C8orf34: variants seen among roughly 807,000 people sequenced by gnomAD.
C8orf34 encodes the protein uncharacterized protein C8orf34.
C8orf34 carries 65 observed loss-of-function variants against 68.3 expected under a neutral mutation model. That is an observed-to-expected ratio of 0.95 (90% CI 0.78 to 1.17). The LOEUF (loss-of-function observed/expected upper bound fraction) is 1.17, where lower values mean the gene tolerates loss of function less well. Among genes scored for constraint, C8orf34 ranks in the 50% most tolerant of loss-of-function variants. C8orf34 has a pLI of 0.00. For missense variants in C8orf34, 664 were observed against 655.4 expected (o/e 1.01, Z -0.14); for synonymous variants, 244 against 241.2 (o/e 1.01, Z -0.11).
At chr8:68,741,846 A>G (rs1822304557) in intron 10 of C8orf34, among the ~76,000 whole-genome samples, 1 of 152,202 alleles carries the variant, frequency 6.6e-6, no homozygotes, top group South Asian at 2.1e-4. Context: ...GTTTATATGT[A>G]CCACGTTTTC....
intron 1 of C8orf34, among the ~76,000 whole-genome samples, chr8:68,339,273 AT>A (rs912792321): frequency 1.3e-4 from 19 of 151,904 alleles, no homozygotes; most frequent in African/African-American, 4.6e-4. Flanking sequence ...ACAATAAATA[AT>A]AAGTAAGTTT....
intron 12 of C8orf34, 126 bp from the exon 13 acceptor site, chr8:68,815,760 T>C (rs977297008): frequency 8.7e-6 from 13 of 1,494,798 alleles, no homozygotes; most frequent in Non-Finnish European, 1.1e-5. Context: ...GTACATACTA[T>C]AAATGTAGTT....
intron 12 of C8orf34, among the ~76,000 whole-genome samples, chr8:68,794,611 T>A (rs761455573): frequency 3.8e-4 from 57 of 148,570 alleles, no homozygotes; most frequent in Admixed American, 2.5e-3. Context: ...GCCAAGTGAT[T>A]CTCCCACTGG....
Position 68,377,239 on chromosome 8 carries a change from A to T in C8orf34, c.327+45900A>T, listed in dbSNP as rs75190391. ...AAACCTGGTCTCTATAAAAAGAAAT[A>T]AAAAAAATGAGCTGGATGTGGTGGC... On this transcript the variant is annotated intron_variant, in intron 1 of 13. Coordinates refer to ENST00000518698, the MANE Select transcript of C8orf34 (RefSeq NM_052958.4). Among the ~76,000 whole-genome samples the T allele has an allele frequency of 1.3e-4, 19 of 151,970 alleles. 1 individual carries two copies. In the East Asian group the frequency reaches 3.3e-3, roughly 26 times the overall value.
At chr8:68,716,644 C>G (rs1821480970) in intron 9 of C8orf34, among the ~76,000 whole-genome samples, 1 of 151,854 alleles carries the variant, frequency 6.6e-6, no homozygotes, top group Admixed American at 6.6e-5. Flanking sequence ...GCTGACAAAA[C>G]TAAGTGCTGG....
intron 7 of C8orf34, among the ~76,000 whole-genome samples, chr8:68,547,417 G>A (rs1287268116): frequency 6.6e-6 from 1 of 151,740 alleles, no homozygotes; most frequent in Admixed American, 6.6e-5. Flanking sequence ...AAGACTTCCA[G>A]TTCACATGAT....
chr8:68,352,451 C>A (rs929331244), intron 1 of C8orf34, among the ~76,000 whole-genome samples: 1 of 151,986 alleles, frequency 6.6e-6, no homozygotes, highest in African/African-American at 2.4e-5. Context: ...ATTTGCTAAA[C>A]AATAATTTTT....
intron 8 of C8orf34, among the ~76,000 whole-genome samples, chr8:68,648,050 T>C (rs1462790521): frequency 6.6e-6 from 1 of 152,202 alleles, no homozygotes; most frequent in Admixed American, 6.5e-5. Context: ...GAGTAGAGCA[T>C]TGACTATGTA....
chr8:68,712,154 C>T (rs1005760792), intron 9 of C8orf34, among the ~76,000 whole-genome samples: 1 of 152,058 alleles, frequency 6.6e-6, no homozygotes, highest in Admixed American at 6.6e-5. Context: ...TGTGTCACTC[C>T]CAAGTCAGCA....
At chr8:68,477,901 C>T (rs530785732) in intron 4 of C8orf34, among the ~76,000 whole-genome samples, 3 of 152,288 alleles carry the variant, frequency 2.0e-5, no homozygotes, top group South Asian at 2.1e-4. Flanking sequence ...GGCTGGGACG[C>T]AGGATGCCAT....
chr8:68,698,525 C>T (rs1439281611), intron 8 of C8orf34, among the ~76,000 whole-genome samples: 1 of 152,034 alleles, frequency 6.6e-6, no homozygotes, highest in Non-Finnish European at 1.5e-5. Context: ...AAGGAATATA[C>T]AGAAGAGGGG....
chr8:68,508,942 G>A (rs1000200246), intron 5 of C8orf34, among the ~76,000 whole-genome samples: 3 of 152,054 alleles, frequency 2.0e-5, no homozygotes, highest in Non-Finnish European at 4.4e-5. Context: ...CTCTCAGTTC[G>A]AATTGCAGTT....
chr8:68,596,990 T>C (rs4394378), intron 7 of C8orf34, among the ~76,000 whole-genome samples: 88,037 of 152,042 alleles, frequency 0.58, 25,677 homozygotes, highest in African/African-American at 0.6. Context: ...TGCGGTTTCT[T>C]TGAATCATTA....
intron 12 of C8orf34, among the ~76,000 whole-genome samples, chr8:68,811,645 A>G (rs549577858): frequency 2.0e-5 from 3 of 152,326 alleles, no homozygotes; most frequent in South Asian, 4.1e-4. Context: ...ATAGCATTCC[A>G]TTTCTCCTTA....
intron 10 of C8orf34, among the ~76,000 whole-genome samples, chr8:68,770,633 T>C (rs1823312197): frequency 6.6e-6 from 1 of 152,204 alleles, no homozygotes; most frequent in Non-Finnish European, 1.5e-5. Context: ...TTTCCTGGCT[T>C]TGCCCTCTCA....
chr8:68,351,388 C>T (rs1806507010), intron 1 of C8orf34, among the ~76,000 whole-genome samples: 1 of 151,986 alleles, frequency 6.6e-6, no homozygotes, highest in Non-Finnish European at 1.5e-5. Context: ...CTGCCTTTAA[C>T]ATTATTTCTT....
At chr8:68,565,793 T>C (rs1816570620) in intron 7 of C8orf34, among the ~76,000 whole-genome samples, 1 of 152,232 alleles carries the variant, frequency 6.6e-6, no homozygotes. Flanking sequence ...AGAGTTTGCC[T>C]AATTCTAGTC....
At chr8:68,713,197 A>G (rs1018068686) in intron 9 of C8orf34, among the ~76,000 whole-genome samples, 4 of 152,144 alleles carry the variant, frequency 2.6e-5, no homozygotes, top group African/African-American at 4.8e-5. Flanking sequence ...AGTTCATAGC[A>G]TTAAATGCCT....
At chr8:68,332,478 T>C (rs919336577) in intron 1 of C8orf34, among the ~76,000 whole-genome samples, 7 of 139,080 alleles carry the variant, frequency 5.0e-5, no homozygotes, top group African/African-American at 1.8e-4. Context: ...TACGTGTCAG[T>C]GTCTGAGAGA....
Sources: gnomAD v4.1 joint callset for allele counts (sites outside exome capture counted in the v4.1 genomes callset) on GRCh38, gnomAD v4.1.1 for gene constraint, MANE v1.5 for transcripts, NCBI Gene and HGNC (gene_info 2026-07-23, HGNC 2026-07-21) for gene names.